The following PKIB variants were observed in gnomAD, a reference collection of about 807,000 sequenced individuals.
PKIB encodes the protein PKI-beta.
Under a neutral mutation model 4.5 loss-of-function variants are expected in PKIB, and 2 were observed. The ratio of observed to expected loss-of-function variants is 0.44; its 90% confidence interval spans 0.18 to 1.39. The LOEUF (loss-of-function observed/expected upper bound fraction) is 1.39. Among genes scored for constraint, PKIB ranks in the 40% most tolerant of loss-of-function variants. The pLI is 0.27. For missense variants in PKIB, 94 were observed against 92.6 expected (o/e 1.02, Z -0.06); for synonymous variants, 38 against 36.0 (o/e 1.06, Z -0.20).
chr6:122,597,195 T>G (rs1774205498), intron 3 of PKIB, among the ~76,000 whole-genome samples: 2 of 152,198 alleles, frequency 1.3e-5, no homozygotes, highest in Admixed American at 6.5e-5. Context: ...CTGGATCCAA[T>G]GAGCACAATA....
At chr6:122,668,026 CAAAAT>C (rs1332402060) in intron 2 of PKIB, among the ~76,000 whole-genome samples, 1 of 152,152 alleles carries the variant, frequency 6.6e-6, no homozygotes, top group Non-Finnish European at 1.5e-5. Context: ...TACTCCAACT[CAAAAT>C]AAGAAAAGAA....
intron 1 of PKIB, among the ~76,000 whole-genome samples, chr6:122,620,525 T>C (rs1775182476): frequency 1.3e-5 from 2 of 152,254 alleles, no homozygotes; most frequent in South Asian, 4.1e-4. Flanking sequence ...AATCGTTTAC[T>C]GCTAGTATCA....
At chr6:122,529,987 G>T (rs1213718078) in intron 2 of PKIB, among the ~76,000 whole-genome samples, 1 of 151,628 alleles carries the variant, frequency 6.6e-6, no homozygotes, top group Non-Finnish European at 1.5e-5. Flanking sequence ...TTCAGATCTG[G>T]GCTATTTTCA....
intron 2 of PKIB, among the ~76,000 whole-genome samples, chr6:122,648,907 T>C (rs1407333418): frequency 6.6e-6 from 1 of 152,154 alleles, no homozygotes; most frequent in Non-Finnish European, 1.5e-5. Flanking sequence ...ACTTCCTTGT[T>C]GAGTGGAAGT....
chr6:122,636,140 A>G (rs977557543), intron 2 of PKIB, among the ~76,000 whole-genome samples: 1 of 152,148 alleles, frequency 6.6e-6, no homozygotes, highest in African/African-American at 2.4e-5. Flanking sequence ...AGAGATGCTA[A>G]GTAACAAGGC....
chr6:122,595,648 G>T (rs1195873939), intron 3 of PKIB, among the ~76,000 whole-genome samples: 2 of 152,190 alleles, frequency 1.3e-5, no homozygotes, highest in Admixed American at 1.3e-4. Context: ...TCACCCTGAG[G>T]AATGGTGCCA....
At chr6:122,668,942 C>T (rs890805876) in intron 2 of PKIB, among the ~76,000 whole-genome samples, 11 of 152,130 alleles carry the variant, frequency 7.2e-5, no homozygotes, top group East Asian at 1.9e-4. Context: ...TGGCTGGGTG[C>T]GTTGGCTCAC....
chr6:122,526,295 C>T (rs993907886), intron 2 of PKIB, among the ~76,000 whole-genome samples: 34 of 152,106 alleles, frequency 2.2e-4, no homozygotes, highest in African/African-American at 7.7e-4. Flanking sequence ...GAACTCTTCC[C>T]GTGAATTACA....
At chr6:122,521,214 A>G (rs996799848) in intron 2 of PKIB, among the ~76,000 whole-genome samples, 1 of 152,176 alleles carries the variant, frequency 6.6e-6, no homozygotes, top group African/African-American at 2.4e-5. Flanking sequence ...CAGGCCACCA[A>G]ACAGTAACCA....
At chr6:122,601,148 A>G (rs1774353582) in intron 3 of PKIB, among the ~76,000 whole-genome samples, 1 of 151,790 alleles carries the variant, frequency 6.6e-6, no homozygotes, top group African/African-American at 2.4e-5. Context: ...CAAATAATGA[A>G]CAGGACATTA....
intron 2 of PKIB, among the ~76,000 whole-genome samples, chr6:122,526,022 T>C (rs1455344178): frequency 6.6e-6 from 1 of 152,190 alleles, no homozygotes; most frequent in East Asian, 1.9e-4. Flanking sequence ...TTCAGTAATG[T>C]TCATAGCATC....
intron 3 of PKIB, among the ~76,000 whole-genome samples, chr6:122,598,461 A>G (rs2815589): frequency 0.39 from 59,981 of 151,978 alleles, 12,430 homozygotes; most frequent in South Asian, 0.58. Flanking sequence ...TCGGGATTCA[A>G]TTATTCCCAT....
intron 2 of PKIB, among the ~76,000 whole-genome samples, chr6:122,659,474 A>C (rs1240401121): frequency 6.6e-6 from 1 of 152,160 alleles, no homozygotes; most frequent in Admixed American, 6.5e-5. Flanking sequence ...TGGTTCTTAT[A>C]TGATCTAGTT....
intron 3 of PKIB, among the ~76,000 whole-genome samples, chr6:122,702,794 A>G (rs931547883): frequency 1.3e-5 from 2 of 152,192 alleles, no homozygotes; most frequent in African/African-American, 4.8e-5. Flanking sequence ...TGAGAAGAAT[A>G]TATTTTAGTA....
intron 4 of PKIB, among the ~76,000 whole-genome samples, chr6:122,718,723 C>T (rs919288456): frequency 6.6e-6 from 1 of 152,090 alleles, no homozygotes; most frequent in Non-Finnish European, 1.5e-5. Context: ...AACCAGAAGC[C>T]GCTTGCATCT....
At chr6:122,631,112 T>C (rs1345448707) in intron 1 of PKIB, among the ~76,000 whole-genome samples, 2 of 152,214 alleles carry the variant, frequency 1.3e-5, no homozygotes, top group Non-Finnish European at 2.9e-5. Flanking sequence ...AAACATCCTA[T>C]TACACACACT....
chr6:122,566,989 T>A (rs1023455033), intron 2 of PKIB, among the ~76,000 whole-genome samples: 2 of 152,188 alleles, frequency 1.3e-5, no homozygotes, highest in African/African-American at 4.8e-5. Flanking sequence ...CCTGGCTCGA[T>A]ATACAGTGTC....
intron 2 of PKIB, among the ~76,000 whole-genome samples, chr6:122,656,854 G>T (rs541372717): frequency 6.6e-6 from 1 of 152,256 alleles, no homozygotes; most frequent in East Asian, 1.9e-4. Context: ...TCTCCAGGTT[G>T]TTCACCTCCT....
chr6:122,599,514 A>G (rs1220958874), intron 3 of PKIB, among the ~76,000 whole-genome samples: 1 of 152,084 alleles, frequency 6.6e-6, no homozygotes, highest in Non-Finnish European at 1.5e-5. Flanking sequence ...AGGAGATAAG[A>G]CTCACTCAGG....
Sources: gnomAD v4.1 joint callset for allele counts (sites outside exome capture counted in the v4.1 genomes callset) on GRCh38, gnomAD v4.1.1 for gene constraint, MANE v1.5 for transcripts, NCBI Gene and HGNC (gene_info 2026-07-23, HGNC 2026-07-21) for gene names.